KLF12: variants seen among roughly 807,000 people sequenced by gnomAD.
The protein encoded by KLF12 is KLF transcription factor 12, also known as Krueppel-like factor 12.
KLF12 carries 9 observed loss-of-function variants against 37.8 expected under a neutral mutation model. The ratio of observed to expected loss-of-function variants is 0.24; its 90% CI spans 0.14 to 0.42. The LOEUF (loss-of-function observed/expected upper bound fraction) is 0.42. Among genes scored for constraint, KLF12 ranks in the 10% least tolerant of loss-of-function variants. The probability of loss-of-function intolerance (pLI) is 1.00; values close to 1 mark genes in which losing one functional copy is unlikely to be tolerated. For synonymous variants in KLF12, 208 were observed against 202.1 expected (o/e 1.03, Z -0.25); for missense variants, 411 against 516.0 (o/e 0.80, Z 1.97).
At chr13:74,202,706 C>T in the KLF12 span, among the ~76,000 whole-genome samples, 1 of 152,164 alleles carries the variant, frequency 6.6e-6, no homozygotes, top group East Asian at 1.9e-4. Context: ...AACCCCCATT[C>T]CATATCCAAA....
chr13:74,057,806 T>A (rs542943732), intron 1 of KLF12, among the ~76,000 whole-genome samples: 278 of 151,916 alleles, frequency 1.8e-3, no homozygotes, highest in African/African-American at 5.4e-3. Context: ...AATAAGGGAA[T>A]GGTAACATTC....
intron 3 of KLF12, among the ~76,000 whole-genome samples, chr13:73,921,169 T>C (rs889604235): frequency 1.3e-5 from 2 of 152,182 alleles, no homozygotes; most frequent in African/African-American, 4.8e-5. Flanking sequence ...CTCCCTTCTA[T>C]GAAGAGGGTA....
At chr13:73,885,502 C>T (rs1160753751) in intron 3 of KLF12, among the ~76,000 whole-genome samples, 1 of 152,180 alleles carries the variant, frequency 6.6e-6, no homozygotes, top group African/African-American at 2.4e-5. Flanking sequence ...TCACACTTGC[C>T]CTCATCACCA....
Position 73,744,360 on chromosome 13 carries a change from G to A in KLF12, c.869+20578C>T, listed in dbSNP as rs1535802. ...GTCAATACTACCTATTGTGAATGTC[G>A]CAAGGGTTGGTTGTGAATTTCTCAT... On this transcript the variant is annotated intron_variant, in intron 6 of 7. Transcript: ENST00000377669. Among the ~76,000 whole-genome samples, 39 of 152,028 alleles carry A rather than the reference G, an allele frequency of 2.6e-4. 1 individual carries two copies. In the South Asian group the frequency reaches 8.1e-3, roughly 32 times the overall value.
chr13:74,007,787 T>A (rs1287383862), intron 1 of KLF12, among the ~76,000 whole-genome samples: 2 of 151,256 alleles, frequency 1.3e-5, no homozygotes, highest in African/African-American at 4.9e-5. Context: ...TATGCAGACA[T>A]ACACAAATCA....
chr13:73,819,179 T>C (rs1361064380), intron 4 of KLF12, among the ~76,000 whole-genome samples: 1 of 152,152 alleles, frequency 6.6e-6, no homozygotes, highest in Non-Finnish European at 1.5e-5. Flanking sequence ...GCCCTGTCAT[T>C]TGCAACATCT....
At position 73,719,021 on chromosome 13, in the gene KLF12, C is replaced by G. The variant is rs145217228; in HGVS notation, c.870-3496G>C. Among the ~76,000 whole-genome samples the G allele has an allele frequency of 2.6e-3, 393 of 152,344 alleles. 1 individual carries two copies. The highest frequency in any genetic ancestry group is 8.8e-3 in the African/African-American group (367 of 41,574). On this transcript the variant is annotated intron_variant, in intron 6 of 7. Transcript: ENST00000377669. ...AGTTGTACCCAGTAAAGCTGGCTTT[C>G]AAATGACATTCAATGGGTAGATTTT...
intron 3 of KLF12, among the ~76,000 whole-genome samples, chr13:73,924,208 G>T (rs1297733102): frequency 6.6e-6 from 1 of 152,098 alleles, no homozygotes; most frequent in African/African-American, 2.4e-5. Flanking sequence ...ATTATACAAG[G>T]CATTTTAAGT....
At chr13:73,739,821 T>C (rs1462294887) in intron 6 of KLF12, among the ~76,000 whole-genome samples, 1 of 152,264 alleles carries the variant, frequency 6.6e-6, no homozygotes, top group Non-Finnish European at 1.5e-5. Flanking sequence ...TAAAAACATT[T>C]GTAAATTTAT....
intron 7 of KLF12, among the ~76,000 whole-genome samples, chr13:73,712,992 G>C (rs1220399918): frequency 1.3e-5 from 2 of 152,192 alleles, no homozygotes; most frequent in Non-Finnish European, 2.9e-5. Flanking sequence ...GAACCCACAG[G>C]ATCTTTGAGG....
chr13:74,169,836 T>C, the KLF12 span, among the ~76,000 whole-genome samples: 2 of 152,308 alleles, frequency 1.3e-5, no homozygotes, highest in African/African-American at 2.4e-5. Flanking sequence ...AGAAAGCCAC[T>C]TGGGAGAAGG....
At chr13:74,276,040 C>T in the KLF12 span, among the ~76,000 whole-genome samples, 2 of 151,066 alleles carry the variant, frequency 1.3e-5, no homozygotes, top group Non-Finnish European at 2.9e-5. Context: ...ATACATATGC[C>T]GTGGTGGTTT....
At chr13:73,736,471 TATACTAGAAAAGTCACC>T (rs903480863) in intron 6 of KLF12, among the ~76,000 whole-genome samples, 13 of 152,330 alleles carry the variant, frequency 8.5e-5, no homozygotes, top group Admixed American at 8.5e-4. Context: ...AAATAATCCC[TATACTAGAAAAGTCACC>T]ATTTTATACT....
chr13:74,116,463 T>G (rs571782965), intron 1 of KLF12, among the ~76,000 whole-genome samples: 86 of 152,334 alleles, frequency 5.6e-4, no homozygotes, highest in African/African-American at 2.0e-3. Context: ...AATTTATCCT[T>G]ACAGGAAATT....
chr13:74,172,875 C>T, the KLF12 span, among the ~76,000 whole-genome samples: 16 of 152,204 alleles, frequency 1.1e-4, no homozygotes, highest in Admixed American at 6.5e-4. Flanking sequence ...CTCAGGTCCA[C>T]CCTTTTTCTG....
chr13:73,752,733 T>TC (rs1878862364), intron 6 of KLF12, among the ~76,000 whole-genome samples: 2 of 132,234 alleles, frequency 1.5e-5, no homozygotes, highest in African/African-American at 6.0e-5. Flanking sequence ...CATATATATT[T>TC]TTTTTTTTTT....
intron 6 of KLF12, among the ~76,000 whole-genome samples, chr13:73,735,951 C>CTTTTT (rs542835566): frequency 7.5e-6 from 1 of 132,866 alleles, no homozygotes. Flanking sequence ...TTCTTTCTTT[C>CTTTTT]TTTTTCTTTT....
chr13:74,127,165 G>A (rs1035032831), intron 1 of KLF12, among the ~76,000 whole-genome samples: 25 of 152,230 alleles, frequency 1.6e-4, no homozygotes, highest in Non-Finnish European at 2.4e-4. Context: ...CACCAAACCC[G>A]GCCTGAATGG....
At position 74,033,641 on chromosome 13, in the gene KLF12, C is replaced by T. The variant is rs567744664; in HGVS notation, c.-31-38588G>A. 7.2e-5 allele frequency among the ~76,000 whole-genome samples: 11 copies of T among 152,288 alleles called. No homozygotes were observed. In the South Asian group the frequency reaches 2.3e-3, roughly 32 times the overall value. On this transcript the variant is annotated intron_variant, in intron 1 of 7. Coordinates refer to ENST00000377669, the MANE Select transcript of KLF12 (RefSeq NM_007249.5). Reference sequence around the variant, plus strand: ...TCAAAAAGACTTTTGTTTTGAATGGCAGCTTAGTGTTCCTTCTATCAATGT... The same window carrying T: ...TCAAAAAGACTTTTGTTTTGAATGGTAGCTTAGTGTTCCTTCTATCAATGT...
Sources: allele counts gnomAD v4.1 joint callset (sites outside exome capture counted in the v4.1 genomes callset), GRCh38; gene constraint gnomAD v4.1.1; transcripts MANE v1.5; gene names NCBI Gene and HGNC (gene_info 2026-07-23, HGNC 2026-07-21).